SLC7A6OS: variants seen among roughly 807,000 people sequenced by gnomAD.
SLC7A6OS encodes probable RNA polymerase II nuclear localization protein SLC7A6OS.
A neutral mutation model predicts 34.3 loss-of-function variants in SLC7A6OS; 22 were observed. The ratio of observed to expected loss-of-function variants is 0.64; its 90% CI spans 0.46 to 0.92. The LOEUF is 0.92. SLC7A6OS is among the 40% of genes least tolerant of loss of function. The pLI, the probability that SLC7A6OS is intolerant of heterozygous loss-of-function variation, is 0.00. For missense variants in SLC7A6OS, 434 were observed against 407.7 expected (o/e 1.06, Z -0.56); for synonymous variants, 199 against 165.0 (o/e 1.21, Z -1.58).
rs1225809657 is a variant in SLC7A6OS at position 68,304,332 on chromosome 16, T to C, written c.472-100A>G. On this transcript the variant is annotated intron_variant, in intron 2 of 4. Transcript: ENST00000263997. ...TGGGTGAAGGAAGGCTCCCTACAGT[T>C]TTTTTTGAGACGGAGTCTCACTCTG... 3 of 1,093,934 alleles carry C rather than the reference T, an allele frequency of 2.7e-6. No homozygotes were observed. The African/African-American group carries it at 4.7e-5, about 17-fold the overall frequency. The allele number at this position is 1,093,934 out of a possible 1,614,324, so 67.8% of individuals were successfully genotyped here.
intron 2 of SLC7A6OS, among the ~76,000 whole-genome samples, chr16:68,306,828 A>G (rs2043330818): frequency 3.8e-5 from 1 of 26,168 alleles, no homozygotes; most frequent in African/African-American, 1.3e-4. Context: ...ATGTGTATTC[A>G]TTCATTCATT....
intron 4 of SLC7A6OS, 200 bp from the exon 5 acceptor site, chr16:68,301,605 CTGGAGTATTTTGTCACTTCTCCCCTCCG>C (rs1340855530): frequency 1.7e-4 from 75 of 430,820 alleles, no homozygotes; most frequent in African/African-American, 8.9e-4. Context: ...TTCCTTCACA[CTGGAGTATTTTGTCACTTCTCCCCTCCG>C]TGGAGTATTT....
chr16:68,310,899 G>C lies in SLC7A6OS; in HGVS notation c.28C>G (p.Arg10Gly). The C allele has an allele frequency of 6.3e-7, 1 of 1,596,848 alleles. No individual in the cohort carries two copies. Among genetic ancestry groups the C allele is most frequent in the Admixed American group, 1.7e-5 (1 of 58,350 alleles). MEAARTAVLRVKRKRSAEPA... is the reference protein window; with the variant it reads MEAARTAVLGVKRKRSAEPA... The stretch of plus-strand genomic sequence containing the variant: ...TCCGCACTGCGCTTCCGCTTCACCC[G>C]GAGTACAGCGGTCCTGGCGGCCTCC... Residue 10 changes from arginine (R) to glycine (G), a missense_variant, in exon 1 of 5, where the codon CGG becomes GGG. By Grantham distance (125) the Arg-to-Gly change is moderately radical (BLOSUM62 -2). Coordinates refer to ENST00000263997, the MANE Select transcript of SLC7A6OS (RefSeq NM_032178.3).
chr16:68,306,409 G>A (rs1333405569), intron 2 of SLC7A6OS, among the ~76,000 whole-genome samples: 7 of 151,930 alleles, frequency 4.6e-5, no homozygotes, highest in East Asian at 1.9e-4. Flanking sequence ...AGTAGAGACC[G>A]GGTTTCACTA....
chr16:68,307,143 T>A (rs772662926), intron 2 of SLC7A6OS, among the ~76,000 whole-genome samples: 5 of 152,222 alleles, frequency 3.3e-5, no homozygotes, highest in Non-Finnish European at 7.3e-5. Flanking sequence ...ATTTTTAACC[T>A]CCATGTATAG....
rs1291014734 is a variant in SLC7A6OS, at chr16:68,310,503, G to A, written c.303C>T (p.Gly101=). 1 of 1,583,632 alleles carries A rather than the reference G, an allele frequency of 6.3e-7. No homozygotes were observed. The highest frequency in any genetic ancestry group is 2.3e-5 in the East Asian group (1 of 42,988). Residue 101 remains glycine (G), a synonymous_variant, in exon 2 of 5, where the codon GGC becomes GGT. Transcript: ENST00000263997. ...RASAREVRQE[G]RYRVLSSRRS... ...GGCGGCTGGAAAGCACCCGGTAGCG[G>A]CCCTCCTGCCGGACCTCCCGAGCCG...
At chr16:68,305,977 G>A (rs1182236370) in intron 2 of SLC7A6OS, among the ~76,000 whole-genome samples, 1 of 152,064 alleles carries the variant, frequency 6.6e-6, no homozygotes, top group Non-Finnish European at 1.5e-5. Flanking sequence ...AGGATCACAT[G>A]AGCCCAGGTG....
At chr16:68,310,698 A>C in intron 1 of SLC7A6OS, 37 bp downstream of exon 1, 2 of 1,584,836 alleles carry the variant, frequency 1.3e-6, no homozygotes, top group Non-Finnish European at 1.7e-6. Flanking sequence ...GCTGCACCCG[A>C]AGATGCCCTC....
rs1396161349 is a variant in SLC7A6OS at position 68,299,110 on chromosome 16, C to G, written c.*2165G>C. On this transcript the variant is annotated 3_prime_UTR_variant, in exon 5 of 5. Coordinates refer to ENST00000263997, the MANE Select transcript of SLC7A6OS (RefSeq NM_032178.3). ...TGGGATTTGTAACGGCAAATTCCTG[C>G]CCGACGACAGGGTGTCTTATGCAAA... 1 of 152,640 alleles carries G rather than the reference C, an allele frequency of 6.6e-6. No individual in the cohort carries two copies. The highest frequency in any genetic ancestry group is 1.5e-5 in the Non-Finnish European group (1 of 68,044). The allele number at this position is 152,640 out of a possible 1,614,324, so 9.5% of individuals were successfully genotyped here. A position where few individuals can be genotyped will look rare whatever the true frequency, so the allele number is the denominator to read the frequency against.
At position 68,309,101 on chromosome 16, in the gene SLC7A6OS, G is replaced by T. The variant is rs922542496; in HGVS notation, c.471+1234C>A. ...CACACTTTATGTTGAGAATTTTCTG[G>T]TTTTTTTTTTAGAGACAGTATCTTG... On this transcript the variant is annotated intron_variant, in intron 2 of 4. Transcript: ENST00000263997. 2.7e-5 allele frequency among the ~76,000 whole-genome samples: 4 copies of T among 146,852 alleles called. 1 individual carries two copies. In the South Asian group the frequency reaches 6.5e-4, roughly 24 times the overall value.
At position 68,304,116 on chromosome 16, in the gene SLC7A6OS, A is replaced by G. The variant is rs778207133; in HGVS notation, c.588T>C (p.Tyr196=). The change falls in exon 3 of 5, where the codon TAT becomes TAC. Residue 196 remains tyrosine, a synonymous_variant. Transcript: ENST00000263997. ...RRQEEQKHDD[Y]VYDIYYLETA... ...TCTCCAAGTAGTAAATGTCATACAC[A>G]TAGTCATCGTGTTTTTGTTCTTCCT... The G allele has an allele frequency of 1.9e-6, 3 of 1,614,074 alleles. No individual in the cohort carries two copies. Among genetic ancestry groups the G allele is most frequent in the Non-Finnish European group, 2.5e-6 (3 of 1,179,954 alleles).
chr16:68,306,782 G>A (rs1444029382), intron 2 of SLC7A6OS, among the ~76,000 whole-genome samples: 2 of 152,092 alleles, frequency 1.3e-5, no homozygotes, highest in African/African-American at 2.4e-5. Flanking sequence ...GTAACCCACC[G>A]TACCCTTGCT....
Position 68,300,510 on chromosome 16 carries a change from T to C in SLC7A6OS, c.*765A>G. ...CAGAAGGTACTTTGTTTTTCCTCCC[T>C]TGCCTTAAGTCCTTGGTATTTATAA... is the stretch of plus-strand genomic sequence containing the variant. On this transcript the variant is annotated 3_prime_UTR_variant, in exon 5 of 5. Coordinates refer to ENST00000263997, the MANE Select transcript of SLC7A6OS (RefSeq NM_032178.3). 8.9e-6 allele frequency: 6 copies of C among 674,750 alleles called. No individual in the cohort carries two copies. Among genetic ancestry groups the C allele is most frequent in the Non-Finnish European group, 1.1e-5 (6 of 546,128 alleles). The allele number at this position is 674,750 out of a possible 1,614,324, so 41.8% of individuals were successfully genotyped here.
chr16:68,302,549 T>C, intron 3 of SLC7A6OS, 48 bp from the exon 4 acceptor site: 1 of 1,613,178 alleles, frequency 6.2e-7, no homozygotes, highest in Non-Finnish European at 8.5e-7. Flanking sequence ...CCTCTAAGGT[T>C]ATGCTCTGGG....
At chr16:68,303,769 A>C in intron 3 of SLC7A6OS, 1 of 468,048 alleles carries the variant, frequency 2.1e-6, no homozygotes, top group Non-Finnish European at 3.8e-6. Flanking sequence ...GGATAGCTAT[A>C]AACAATAAAG....
chr16:68,310,898 C>G lies in SLC7A6OS; in HGVS notation c.29G>C (p.Arg10Pro), dbSNP rs1398429165. The change falls in exon 1 of 5, where the codon CGG becomes CCG. Residue 10 changes from arginine to proline, a missense_variant. Coordinates refer to ENST00000263997, the MANE Select transcript of SLC7A6OS (RefSeq NM_032178.3). The stretch of plus-strand genomic sequence containing the variant: ...CTCCGCACTGCGCTTCCGCTTCACC[C>G]GGAGTACAGCGGTCCTGGCGGCCTC... Reference protein sequence around the residue: MEAARTAVLRVKRKRSAEPA... With the variant: MEAARTAVLPVKRKRSAEPA... The G allele has an allele frequency of 1.9e-6, 3 of 1,596,590 alleles. No homozygotes were observed. Among genetic ancestry groups the G allele is most frequent in the African/African-American group, 1.3e-5 (1 of 74,678 alleles).
intron 2 of SLC7A6OS, among the ~76,000 whole-genome samples, chr16:68,308,520 G>A (rs4783615): frequency 0.64 from 97,473 of 151,536 alleles, 31,868 homozygotes; most frequent in East Asian, 0.78. Flanking sequence ...CCAGCTACTC[G>A]CGAGGCTGAG....
chr16:68,310,425 G>A lies in SLC7A6OS; in HGVS notation c.381C>T (p.Asn127=). The stretch of plus-strand genomic sequence containing the variant: ...AGCCCGAGTTCCCGGCGGCTTCTGG[G>A]TTCCCCGGCGTGTACTCGGACTCCT... The part of the protein sequence containing the change: ...SGQESEYTPG[N]PEAAGNSGFQ... Residue 127 remains asparagine, a synonymous_variant, in exon 2 of 5, where the codon AAC becomes AAT. Transcript: ENST00000263997. 1.2e-6 allele frequency: 2 copies of A among 1,608,864 alleles called. No individual in the cohort carries two copies. Among genetic ancestry groups the A allele is most frequent in the African/African-American group, 1.3e-5 (1 of 75,002 alleles).
At chr16:68,301,492 T>G in intron 4 of SLC7A6OS, 87 bp from the exon 5 acceptor site, 1 of 1,129,714 alleles carries the variant, frequency 8.9e-7, no homozygotes, top group African/African-American at 1.6e-5. Flanking sequence ...AGGTCTGTTT[T>G]TGTTCCCGAT....
Sources: gnomAD v4.1 joint callset for allele counts (sites outside exome capture counted in the v4.1 genomes callset) on GRCh38, gnomAD v4.1.1 for gene constraint, MANE v1.5 for transcripts, NCBI Gene and HGNC (gene_info 2026-07-23, HGNC 2026-07-21) for gene names.